MFGE8: variants seen among roughly 807,000 people sequenced by gnomAD.
MFGE8 encodes milk fat globule EGF and factor V/VIII domain containing.
MFGE8 carries 34 observed loss-of-function variants against 42.6 expected under a neutral mutation model. That is an observed-to-expected ratio of 0.80 (90% CI 0.61 to 1.06). The LOEUF (loss-of-function observed/expected upper bound fraction) is 1.06, where lower values mean the gene tolerates loss of function less well. Among genes scored for constraint, MFGE8 ranks in the 50% least tolerant of loss-of-function variants. The pLI, the probability that MFGE8 is intolerant of heterozygous loss-of-function variation, is 0.00. For synonymous variants in MFGE8, 230 were observed against 214.8 expected (o/e 1.07, Z -0.62); for missense variants, 510 against 516.9 (o/e 0.99, Z 0.13).
chr15:88,901,592 C>A lies in MFGE8; in HGVS notation c.829G>T (p.Ala277Ser). 1 of 1,608,536 alleles carries A rather than the reference C, an allele frequency of 6.2e-7. No homozygotes were observed. Among genetic ancestry groups the A allele is most frequent in the African/African-American group, 1.3e-5 (1 of 74,758 alleles). The part of the protein sequence containing the change: ...ARLDKQGNFN[A>S]WVAGSYGNDQ... Reference sequence around the variant, plus strand: ...TTACCGTAGCTCCCCGCAACCCAGGCGTTGAAGTTGCCCTGCTTGTCCAGC... The same window carrying A: ...TTACCGTAGCTCCCCGCAACCCAGGAGTTGAAGTTGCCCTGCTTGTCCAGC... Residue 277 changes from alanine to serine, a missense_variant, in exon 6 of 8, where the codon GCC becomes TCC. By Grantham distance (99) the Ala-to-Ser change is moderately conservative. Coordinates refer to ENST00000268150, the MANE Select transcript of MFGE8 (RefSeq NM_005928.4).
At position 88,909,830 on chromosome 15, in the gene MFGE8, G is replaced by A. The variant is rs759619050; in HGVS notation, c.167C>T (p.Thr56Met). The A allele has an allele frequency of 1.2e-5, 20 of 1,614,130 alleles. No individual in the cohort carries two copies. The highest frequency in any genetic ancestry group is 6.7e-5 in the East Asian group (3 of 44,898). The change falls in exon 2 of 8, where the codon ACG becomes ATG. Residue 56 changes from threonine (T) to methionine (M), a missense_variant. Physicochemically the swap from Thr to Met is moderately conservative, Grantham distance 81. Coordinates refer to ENST00000268150, the MANE Select transcript of MFGE8 (RefSeq NM_005928.4). ...RGDVFPSYTC[T>M]CLKGYAGNHC... ...GTTGCCCGCGTAGCCCTTAAGGCAC[G>A]TGCAGGTGTACGAGGGGAAGACATC...
In MFGE8 at chr15:88,902,699, T is replaced by G. The variant is rs78477720; in HGVS notation, c.686-964A>C. The G allele has an allele frequency of 1.3e-5, 2 of 152,356 alleles. No homozygotes were observed. Among genetic ancestry groups the G allele is most frequent in the African/African-American group, 2.4e-5 (1 of 41,564 alleles). 9.4% of individuals were successfully genotyped at this position (152,356 alleles called of 1,614,324 possible). On this transcript the variant is annotated intron_variant, in intron 5 of 7. Coordinates refer to ENST00000268150, the MANE Select transcript of MFGE8 (RefSeq NM_005928.4). The surrounding 1 kb of genome is among the most constrained non-coding windows in gnomAD (Gnocchi z 4.3). Reference sequence around the variant, plus strand: ...CCTTGCACTTGTATCTGCACCTGCATATGGATAGAACAGTTGGGGATGGGC... The same window carrying G: ...CCTTGCACTTGTATCTGCACCTGCAGATGGATAGAACAGTTGGGGATGGGC...
At chr15:88,901,812 A>G (rs1898450173) in intron 5 of MFGE8, 77 bp from the exon 6 acceptor site, 4 of 1,432,746 alleles carry the variant, frequency 2.8e-6, no homozygotes, top group East Asian at 2.3e-5. Flanking sequence ...GATGAAGCAG[A>G]AAGAACTCTG....
chr15:88,906,189 T>G lies in MFGE8; in HGVS notation c.541-288A>C. On this transcript the variant is annotated intron_variant, in intron 4 of 7. Transcript: ENST00000268150. The surrounding 1 kb of genome is among the most constrained non-coding windows in gnomAD (Gnocchi z 4.2). ...ACCTACAGGGTACCTCTTTGCAAAT[T>G]AGGAAAAGGCACTCCTTTCTCAAAT... The G allele has an allele frequency of 1.9e-6, 1 of 515,416 alleles. No homozygotes were observed. The highest frequency in any genetic ancestry group is 3.5e-6 in the Non-Finnish European group (1 of 284,240). 31.9% of individuals were successfully genotyped at this position (515,416 alleles called of 1,614,324 possible). A position where few individuals can be genotyped will look rare whatever the true frequency, so the allele number is the denominator to read the frequency against.
intron 1 of MFGE8, 165 bp downstream of exon 1, chr15:88,913,082 C>A: frequency 1.0e-6 from 1 of 985,446 alleles, no homozygotes. Context: ...CCGCATCCCC[C>A]TGTCCCGCCA....
At chr15:88,910,248 G>A (rs1213864912) in intron 1 of MFGE8, 2 of 370,510 alleles carry the variant, frequency 5.4e-6, no homozygotes, top group Admixed American at 3.7e-5. Flanking sequence ...GGGGTCTGGA[G>A]AGGCAGGCAA....
intron 2 of MFGE8, among the ~76,000 whole-genome samples, chr15:88,908,586 C>T (rs1254935667): frequency 6.6e-6 from 1 of 152,162 alleles, no homozygotes; most frequent in African/African-American, 2.4e-5. Flanking sequence ...CCATATCCAG[C>T]CTGGGGAAGA....
intron 6 of MFGE8, chr15:88,900,615 G>A: frequency 4.3e-6 from 3 of 693,542 alleles, no homozygotes; most frequent in Non-Finnish European, 5.3e-6. Flanking sequence ...AGCTGCACCT[G>A]GACACACAGT....
intron 1 of MFGE8, 180 bp from the exon 2 acceptor site, chr15:88,910,103 C>A: frequency 2.7e-6 from 2 of 752,734 alleles, no homozygotes; most frequent in South Asian, 1.6e-5. Flanking sequence ...CCAAGGAAGT[C>A]CATGTGTAGG....
chr15:88,909,781 C>G lies in MFGE8; in HGVS notation c.205+11G>C. On this transcript the variant is annotated intron_variant, in intron 2 of 7. Transcript: ENST00000268150. Reference sequence around the variant, plus strand: ...GCTAGAAACAGGCAACAAGCACCCCCACATACTCACTCGTCTCACAGTGGT... The same window carrying G: ...GCTAGAAACAGGCAACAAGCACCCCGACATACTCACTCGTCTCACAGTGGT... 1 of 1,613,940 alleles carries G rather than the reference C, an allele frequency of 6.2e-7. No individual in the cohort carries two copies. The highest frequency in any genetic ancestry group is 8.5e-7 in the Non-Finnish European group (1 of 1,179,914).
intron 2 of MFGE8, among the ~76,000 whole-genome samples, chr15:88,907,707 C>CG (rs1555414370): frequency 5.0e-5 from 1 of 19,806 alleles, no homozygotes; most frequent in Non-Finnish European, 1.1e-4. Flanking sequence ...AAAGTAGAGT[C>CG]CCCCCCGCCA....
At chr15:88,904,435 G>C (rs1898572920) in intron 5 of MFGE8, 1 of 152,210 alleles carries the variant, frequency 6.6e-6, no homozygotes, top group Admixed American at 6.5e-5. Context: ...TCCAGACCCT[G>C]AAGGAAGCAG....
In MFGE8 at chr15:88,909,819, C is replaced by A. The variant is rs1898872394; in HGVS notation, c.178G>T (p.Gly60Cys). ...FPSYTCTCLK[G>C]YAGNHCETKC... ...GTCTCACAGTGGTTGCCCGCGTAGCCCTTAAGGCACGTGCAGGTGTACGAG... is the reference window on the plus strand; with the variant it reads ...GTCTCACAGTGGTTGCCCGCGTAGCACTTAAGGCACGTGCAGGTGTACGAG... The change falls in exon 2 of 8, where the codon GGC (glycine) becomes TGC (cysteine). Residue 60 changes from glycine (G) to cysteine (C), a missense_variant. Gly to Cys is a radical substitution (Grantham distance 159). Transcript: ENST00000268150. 1 of 1,614,230 alleles carries A rather than the reference C, an allele frequency of 6.2e-7. No homozygotes were observed. Among genetic ancestry groups the A allele is most frequent in the Non-Finnish European group, 8.5e-7 (1 of 1,180,030 alleles).
Position 88,899,950 on chromosome 15 carries a change from G to C in MFGE8, c.871-139C>G. 2 of 996,698 alleles carry C rather than the reference G, an allele frequency of 2.0e-6. No individual in the cohort carries two copies. The highest frequency in any genetic ancestry group is 3.1e-6 in the Non-Finnish European group (2 of 649,442). The allele number at this position is 996,698 out of a possible 1,614,324, so 61.7% of individuals were successfully genotyped here. On this transcript the variant is annotated intron_variant, in intron 6 of 7. Transcript: ENST00000268150. This position sits in a 1 kb window ranked among gnomAD's most constrained non-coding sequence, Gnocchi z 6.8. ...CTCAGTTTCTTTGGCTATAAAATGG[G>C]CATAAGGCCGGACATGGTGTCTCAT...
Position 88,899,963 on chromosome 15 carries a change from CA to C in MFGE8, c.871-153del, listed in dbSNP as rs1411635252. On this transcript the variant is annotated intron_variant, in intron 6 of 7. Transcript: ENST00000268150. The surrounding 1 kb of genome is among the most constrained non-coding windows in gnomAD (Gnocchi z 6.8). ...GCTATAAAATGGGCATAAGGCCGGA[CA>C]TGGTGTCTCATGCCTATAATCCCAA... 15 of 861,758 alleles carry C rather than the reference CA, an allele frequency of 1.7e-5. No individual in the cohort carries two copies. The highest frequency in any genetic ancestry group is 2.8e-5 in the Non-Finnish European group (15 of 532,182). The allele number at this position is 861,758 out of a possible 1,614,324, so 53.4% of individuals were successfully genotyped here. A position where few individuals can be genotyped will look rare whatever the true frequency, so the allele number is the denominator to read the frequency against.
At position 88,901,913 on chromosome 15, in the gene MFGE8, G is replaced by A. The variant is rs111672988; in HGVS notation, c.686-178C>T. The A allele has an allele frequency of 8.5e-3, 5,541 of 654,862 alleles. 43 individuals carry two copies. Among genetic ancestry groups the A allele is most frequent in the Non-Finnish European group, 0.013 (4,676 of 362,604 alleles). 40.6% of individuals were successfully genotyped at this position (654,862 alleles called of 1,614,324 possible). ...CCAACTGTGCGACCTTCTCACTGCC[G>A]ACCCCACCACCTCCTCACCTCAACC... is the stretch of plus-strand genomic sequence containing the variant. On this transcript the variant is annotated intron_variant, in intron 5 of 7. Transcript: ENST00000268150.
chr15:88,905,717 TG>T lies in MFGE8; in HGVS notation c.685+39del. The stretch of plus-strand genomic sequence containing the variant: ...AGCAGGGAGGGCCACCTCCTAGGAT[TG>T]GCCAACAGTGCCCCCCTACCCGCAC... On this transcript the variant is annotated intron_variant, in intron 5 of 7. Coordinates refer to ENST00000268150, the MANE Select transcript of MFGE8 (RefSeq NM_005928.4). The surrounding 1 kb of genome is among the most constrained non-coding windows in gnomAD (Gnocchi z 6.6). The T allele has an allele frequency of 1.2e-6, 2 of 1,613,258 alleles. No individual in the cohort carries two copies. The highest frequency in any genetic ancestry group is 2.2e-5 in the East Asian group (1 of 44,864).
Position 88,906,394 on chromosome 15 carries a change from G to C in MFGE8, c.540+232C>G. On this transcript the variant is annotated intron_variant, in intron 4 of 7. Transcript: ENST00000268150. This position sits in a 1 kb window ranked among gnomAD's most constrained non-coding sequence, Gnocchi z 4.2. ...CCACTATCACCCTCAACAGGTCACT[G>C]TGCCATTTTGAATCTCACTAGTCTC... is the stretch of plus-strand genomic sequence containing the variant. The C allele has an allele frequency of 3.6e-6, 2 of 554,590 alleles. No homozygotes were observed. The highest frequency in any genetic ancestry group is 6.6e-6 in the Non-Finnish European group (2 of 304,884). The allele number at this position is 554,590 out of a possible 1,614,324, so 34.4% of individuals were successfully genotyped here. A position where few individuals can be genotyped will look rare whatever the true frequency, so the allele number is the denominator to read the frequency against.
At position 88,913,348 on chromosome 15, in the gene MFGE8, C is replaced by T. The variant is rs890313993; in HGVS notation, c.-29G>A. On this transcript the variant is annotated 5_prime_UTR_variant, in exon 1 of 8. Coordinates refer to ENST00000268150, the MANE Select transcript of MFGE8 (RefSeq NM_005928.4). ...GCGGGGACGCGGGCGCTGGAATGGG[C>T]ACGCTGGGCTGCTCAGACCCCGCGG... 2 of 1,411,918 alleles carry T rather than the reference C, an allele frequency of 1.4e-6. No individual in the cohort carries two copies. The highest frequency in any genetic ancestry group is 1.8e-6 in the Non-Finnish European group (2 of 1,092,330). The allele number at this position is 1,411,918 out of a possible 1,614,324, so 87.5% of individuals were successfully genotyped here.
Sources: allele counts gnomAD v4.1 joint callset (sites outside exome capture counted in the v4.1 genomes callset), GRCh38; gene constraint gnomAD v4.1.1; non-coding constraint Gnocchi (gnomAD v3.1); transcripts MANE v1.5; gene names NCBI Gene and HGNC (gene_info 2026-07-23, HGNC 2026-07-21).